The following TEC variants were observed in gnomAD, a reference collection of about 807,000 sequenced individuals.
TEC encodes tyrosine-protein kinase Tec.
In TEC, 72 loss-of-function variants were observed where a neutral mutation model predicts 93.0. That is an observed-to-expected ratio of 0.77 (90% CI 0.64 to 0.94). The LOEUF is 0.94. Ranked by LOEUF, TEC falls within the 40% of genes least tolerant of loss-of-function variation. TEC has a pLI of 0.00. For missense variants in TEC, 630 were observed against 757.9 expected (o/e 0.83, Z 1.98); for synonymous variants, 249 against 247.7 (o/e 1.01, Z -0.05).
intron 1 of TEC, among the ~76,000 whole-genome samples, chr4:48,254,755 A>G (rs1724296763): frequency 6.6e-6 from 1 of 152,230 alleles, no homozygotes; most frequent in South Asian, 2.1e-4. Context: ...TGTTCCACTC[A>G]TGGCAAAATC....
chr4:48,234,961 C>T (rs974247885), intron 1 of TEC, among the ~76,000 whole-genome samples: 18 of 151,954 alleles, frequency 1.2e-4, no homozygotes, highest in Admixed American at 1.1e-3. Flanking sequence ...GACTTTTACT[C>T]ACAATTCATG....
chr4:48,205,729 C>T (rs189977073), intron 2 of TEC, among the ~76,000 whole-genome samples: 10 of 152,282 alleles, frequency 6.6e-5, no homozygotes, highest in South Asian at 2.1e-4. Context: ...GAAATTGGAA[C>T]GCTTGCACAC....
intron 1 of TEC, among the ~76,000 whole-genome samples, chr4:48,247,019 A>T (rs978005456): frequency 1.6e-4 from 24 of 152,224 alleles, no homozygotes; most frequent in African/African-American, 5.1e-4. Flanking sequence ...TAGTATCCAG[A>T]ATATATAAAG....
chr4:48,178,432 G>A (rs550079476), intron 2 of TEC, among the ~76,000 whole-genome samples: 1 of 151,778 alleles, frequency 6.6e-6, no homozygotes, highest in Non-Finnish European at 1.5e-5. Context: ...ACTATCGTTG[G>A]CACTGAACAC....
chr4:48,168,198 G>A (rs1720950868), intron 6 of TEC, among the ~76,000 whole-genome samples: 1 of 152,082 alleles, frequency 6.6e-6, no homozygotes, highest in African/African-American at 2.4e-5. Context: ...AGTCCAAAGT[G>A]CATGTTTCCT....
At chr4:48,215,713 G>C (rs375909317) in intron 2 of TEC, among the ~76,000 whole-genome samples, 1 of 152,152 alleles carries the variant, frequency 6.6e-6, no homozygotes, top group Non-Finnish European at 1.5e-5. Context: ...ATCGGTATTT[G>C]CAAGCAAAGG....
At chr4:48,140,708 A>G (rs1218077197) in intron 15 of TEC, among the ~76,000 whole-genome samples, 1 of 152,250 alleles carries the variant, frequency 6.6e-6, no homozygotes, top group East Asian at 1.9e-4. Context: ...TTTTTTTTAC[A>G]TGTCATAATA....
At chr4:48,261,631 C>T (rs1724499086) in intron 1 of TEC, among the ~76,000 whole-genome samples, 1 of 152,100 alleles carries the variant, frequency 6.6e-6, no homozygotes, top group African/African-American at 2.4e-5. Flanking sequence ...GTTTTTCCTA[C>T]TAAATCACAT....
chr4:48,227,187 A>G (rs1300725162), intron 2 of TEC, among the ~76,000 whole-genome samples: 1 of 152,212 alleles, frequency 6.6e-6, no homozygotes, highest in Non-Finnish European at 1.5e-5. Flanking sequence ...CACAGGTCAC[A>G]ATGACGAGCC....
At chr4:48,231,520 G>T (rs1190196741) in intron 1 of TEC, among the ~76,000 whole-genome samples, 1 of 152,100 alleles carries the variant, frequency 6.6e-6, no homozygotes, top group East Asian at 1.9e-4. Flanking sequence ...ACTTTGGGAG[G>T]CCGACGCAGG....
intron 1 of TEC, among the ~76,000 whole-genome samples, chr4:48,229,142 T>C (rs1222773767): frequency 6.6e-6 from 1 of 152,232 alleles, no homozygotes; most frequent in Non-Finnish European, 1.5e-5. Context: ...ACTCCAGCTC[T>C]GATAAGGATG....
At chr4:48,212,098 C>CAAAAAAAA (rs59441112) in intron 2 of TEC, among the ~76,000 whole-genome samples, 2 of 86,538 alleles carry the variant, frequency 2.3e-5, no homozygotes, top group East Asian at 3.2e-4. Flanking sequence ...GACTCTGTCT[C>CAAAAAAAA]AAAAAAAAAA....
chr4:48,241,875 A>G (rs949434855), intron 1 of TEC, among the ~76,000 whole-genome samples: 1 of 152,226 alleles, frequency 6.6e-6, no homozygotes, highest in African/African-American at 2.4e-5. Context: ...TTGTCCACAG[A>G]AATAATTTGA....
At chr4:48,139,750 A>G (rs971457439) in intron 15 of TEC, among the ~76,000 whole-genome samples, 3 of 152,260 alleles carry the variant, frequency 2.0e-5, no homozygotes, top group Non-Finnish European at 4.4e-5. Context: ...TGGGCAGCAC[A>G]TATTTACAAA....
intron 2 of TEC, among the ~76,000 whole-genome samples, chr4:48,186,813 T>TG (rs539783833): frequency 7.0e-5 from 10 of 142,310 alleles, no homozygotes; most frequent in East Asian, 6.7e-4. Context: ...GGAGGGAGGT[T>TG]GGGGGGCGCC....
chr4:48,176,800 C>T (rs1721349367), intron 2 of TEC, among the ~76,000 whole-genome samples: 1 of 152,166 alleles, frequency 6.6e-6, no homozygotes, highest in Non-Finnish European at 1.5e-5. Flanking sequence ...ATTTGTTCAA[C>T]TTCTTCATGT....
intron 9 of TEC, 66 bp from the exon 10 acceptor site, chr4:48,151,008 C>A: frequency 1.0e-6 from 1 of 986,834 alleles, no homozygotes. Context: ...ATGGAGAAGA[C>A]TAAAGAACCT....
At chr4:48,260,145 G>A (rs993210871) in intron 1 of TEC, among the ~76,000 whole-genome samples, 1 of 152,240 alleles carries the variant, frequency 6.6e-6, no homozygotes, top group Non-Finnish European at 1.5e-5. Context: ...CTATAACTGG[G>A]TACATAACAT....
At chr4:48,246,960 T>G (rs2109663809) in intron 1 of TEC, among the ~76,000 whole-genome samples, 1 of 152,190 alleles carries the variant, frequency 6.6e-6, no homozygotes, top group South Asian at 2.1e-4. Context: ...TACAAGAAGT[T>G]CCCACAGAAT....
Sources: allele counts gnomAD v4.1 joint callset (sites outside exome capture counted in the v4.1 genomes callset), GRCh38; gene constraint gnomAD v4.1.1; transcripts MANE v1.5; gene names NCBI Gene and HGNC (gene_info 2026-07-23, HGNC 2026-07-21).